Variants in SHANK2 observed in about 807,000 individuals in gnomAD.
The protein encoded by SHANK2 is SH3 and multiple ankyrin repeat domains 2, also known as SH3 and multiple ankyrin repeat domains protein 2.
A neutral mutation model predicts 133.7 loss-of-function variants in SHANK2; 43 were observed. The observed-to-expected ratio is 0.32, with a 90% CI of 0.25 to 0.41. SHANK2 has a LOEUF of 0.41. SHANK2 is among the 10% of genes least tolerant of loss of function. The pLI is 1.00. For synonymous variants in SHANK2, 1,017 were observed against 952.8 expected (o/e 1.07, Z -1.24); for missense variants, 1,994 against 2,235.8 (o/e 0.89, Z 2.18).
intron 2 of SHANK2, among the ~76,000 whole-genome samples, chr11:71,163,883 T>G (rs56181437): frequency 6.6e-6 from 1 of 152,028 alleles, no homozygotes; most frequent in Non-Finnish European, 1.5e-5. Context: ...GTGCTTTTTA[T>G]TGTGCACTTC....
intron 14 of SHANK2, among the ~76,000 whole-genome samples, chr11:70,701,795 A>G (rs1555023740): frequency 6.6e-6 from 1 of 152,132 alleles, no homozygotes; most frequent in African/African-American, 2.4e-5. Context: ...GTTCCCAGAA[A>G]CAGTTATACT....
chr11:70,604,363 G>A (rs908032012), intron 17 of SHANK2: 2 of 152,414 alleles, frequency 1.3e-5, no homozygotes, highest in African/African-American at 4.8e-5. Flanking sequence ...TGGCAGATGG[G>A]AACTGTGGGG....
chr11:71,201,214 T>A (rs1555117065), intron 2 of SHANK2, among the ~76,000 whole-genome samples: 1 of 152,202 alleles, frequency 6.6e-6, no homozygotes, highest in African/African-American at 2.4e-5. Flanking sequence ...AGCAACCACG[T>A]GCCCTCCCCC....
At chr11:71,080,557 G>A (rs1398491318) in intron 8 of SHANK2, among the ~76,000 whole-genome samples, 2 of 152,096 alleles carry the variant, frequency 1.3e-5, no homozygotes, top group Non-Finnish European at 1.5e-5. Flanking sequence ...CGGCTGAGAC[G>A]AACCCCCTAT....
At chr11:70,844,722 C>A (rs554434281) in intron 11 of SHANK2, among the ~76,000 whole-genome samples, 1 of 152,142 alleles carries the variant, frequency 6.6e-6, no homozygotes, top group Non-Finnish European at 1.5e-5. Flanking sequence ...AATAACACGG[C>A]GGAGAACATT....
At chr11:71,131,542 G>A (rs1163990589) in intron 3 of SHANK2, among the ~76,000 whole-genome samples, 2 of 152,202 alleles carry the variant, frequency 1.3e-5, no homozygotes, top group African/African-American at 4.8e-5. Context: ...ATTAGTAAGA[G>A]GCTGCCTGTC....
chr11:70,576,528 T>C (rs1456540492), intron 17 of SHANK2, among the ~76,000 whole-genome samples: 2 of 152,102 alleles, frequency 1.3e-5, no homozygotes. Flanking sequence ...TCCCAGCTAC[T>C]GGGGAGGCTG....
rs1000009039 is a variant in SHANK2, at chr11:70,569,206, C to T, written c.2062-66275G>A. ...CTCTCAGGGCCAATCGGACTGAGGACAGTCCCAAACCCCCGGGCCATCCCG... is the reference window on the plus strand; with the variant it reads ...CTCTCAGGGCCAATCGGACTGAGGATAGTCCCAAACCCCCGGGCCATCCCG... On this transcript the variant is annotated intron_variant, in intron 17 of 25. Transcript: ENST00000601538. The surrounding 1 kb of genome is among the most constrained non-coding windows in gnomAD (Gnocchi z 5.1). Among the ~76,000 whole-genome samples, 1 of 152,200 alleles carries T rather than the reference C, an allele frequency of 6.6e-6. No individual in the cohort carries two copies. The highest frequency in any genetic ancestry group is 1.5e-5 in the Non-Finnish European group (1 of 68,026).
chr11:71,083,971 CT>C (rs1184566420), intron 8 of SHANK2, among the ~76,000 whole-genome samples: 7 of 33,548 alleles, frequency 2.1e-4, no homozygotes, highest in East Asian at 9.5e-4. Flanking sequence ...TGAATAACAA[CT>C]TTTTTTTGGG....
intron 17 of SHANK2, among the ~76,000 whole-genome samples, chr11:70,540,896 C>T (rs549804902): frequency 3.3e-5 from 5 of 150,484 alleles, no homozygotes; most frequent in Non-Finnish European, 5.9e-5. Flanking sequence ...AACCTGTTAG[C>T]GCAGAATTCA....
intron 6 of SHANK2, among the ~76,000 whole-genome samples, chr11:71,102,355 T>C (rs992515548): frequency 5.3e-5 from 8 of 152,202 alleles, no homozygotes; most frequent in Non-Finnish European, 1.2e-4. Context: ...CAGGCTGTTT[T>C]GTTTTCATTG....
chr11:70,583,785 C>T lies in SHANK2; in HGVS notation c.2061+76043G>A, dbSNP rs150710965. On this transcript the variant is annotated intron_variant, in intron 17 of 25. Transcript: ENST00000601538. ...CCACCCAGTGGCCAGAACGATCCTC[C>T]GCAACCCAACAAGATCTCACCATCA... Among the ~76,000 whole-genome samples the T allele has an allele frequency of 3.0e-3, 459 of 152,286 alleles. 1 individual carries two copies. The highest frequency in any genetic ancestry group is 3.4e-3 in the Middle Eastern group (1 of 294).
chr11:70,557,942 GAC>G (rs1311246494), intron 17 of SHANK2, among the ~76,000 whole-genome samples: 15 of 152,208 alleles, frequency 9.9e-5, no homozygotes. Flanking sequence ...CCTTCAAAAT[GAC>G]AGTCTTTGGC....
chr11:70,826,819 G>C (rs1046528870), intron 11 of SHANK2: 2 of 230,288 alleles, frequency 8.7e-6, no homozygotes, highest in African/African-American at 4.5e-5. Context: ...GGGCATTGAG[G>C]AAGAGGCACC....
At chr11:70,591,698 T>G (rs1250192688) in intron 17 of SHANK2, among the ~76,000 whole-genome samples, 2 of 152,212 alleles carry the variant, frequency 1.3e-5, no homozygotes, top group African/African-American at 4.8e-5. Context: ...TGAGCTACAC[T>G]GATCTCCTGA....
intron 14 of SHANK2, among the ~76,000 whole-genome samples, chr11:70,759,374 A>G (rs1315869938): frequency 1.3e-5 from 2 of 151,100 alleles, no homozygotes; most frequent in African/African-American, 4.9e-5. Flanking sequence ...AATTTCAGCT[A>G]CTTGGGAGGC....
chr11:70,908,079 G>C (rs1012970544), intron 10 of SHANK2: 1 of 256,632 alleles, frequency 3.9e-6, no homozygotes, highest in African/African-American at 2.3e-5. Flanking sequence ...CTGCGCAACA[G>C]AGTGAGAGTC....
chr11:70,813,155 C>A (rs1948314102), intron 12 of SHANK2, among the ~76,000 whole-genome samples: 1 of 152,032 alleles, frequency 6.6e-6, no homozygotes, highest in South Asian at 2.1e-4. Context: ...TGGGCAGAAG[C>A]ACAGGTCAGC....
intron 10 of SHANK2, among the ~76,000 whole-genome samples, chr11:70,901,686 C>T (rs1445203756): frequency 1.1e-4 from 17 of 152,176 alleles, no homozygotes; most frequent in Admixed American, 1.1e-3. Context: ...CAGGAAGGAG[C>T]CCCTTACCCC....
Sources: allele counts gnomAD v4.1 joint callset (sites outside exome capture counted in the v4.1 genomes callset), GRCh38; gene constraint gnomAD v4.1.1; non-coding constraint Gnocchi (gnomAD v3.1); transcripts MANE v1.5; gene names NCBI Gene and HGNC (gene_info 2026-07-23, HGNC 2026-07-21).